SLC9B1: variants seen among roughly 807,000 people sequenced by gnomAD.
The protein encoded by SLC9B1 is sodium/hydrogen exchanger 9B1.
In SLC9B1, 32 loss-of-function variants were observed where a neutral mutation model predicts 51.7. The ratio of observed to expected loss-of-function variants is 0.62; its 90% confidence interval spans 0.47 to 0.83. The LOEUF is 0.83. Among genes scored for constraint, SLC9B1 ranks in the 40% least tolerant of loss-of-function variants. The pLI, the probability that SLC9B1 is intolerant of heterozygous loss-of-function variation, is 0.00. For missense variants in SLC9B1, 406 were observed against 613.2 expected, an observed-to-expected ratio of 0.66 and a Z score of 3.57; for synonymous variants, 145 against 212.7, an observed-to-expected ratio of 0.68 and a Z score of 2.77.
At chr4:102,938,735 A>G (rs937733309) in intron 6 of SLC9B1, among the ~76,000 whole-genome samples, 1 of 152,174 alleles carries the variant, frequency 6.6e-6, no homozygotes, top group Non-Finnish European at 1.5e-5. Flanking sequence ...TCTCAAAACC[A>G]TACAATTACA....
chr4:102,911,458 A>G lies in SLC9B1; in HGVS notation c.909T>C (p.Phe303=). ...SLLAGIVLGF[F]VRYFPSEDQK... ...GGTCTTCACTTGGAAAATATCGAAC[A>G]AAAAATCCCAAAACAATTCCTGCCA... Residue 303 remains phenylalanine, a synonymous_variant, in exon 8 of 12, where the codon TTT becomes TTC. Coordinates refer to ENST00000296422, the MANE Select transcript of SLC9B1 (RefSeq NM_139173.4). 2 of 1,596,658 alleles carry G rather than the reference A, an allele frequency of 1.3e-6. No individual in the cohort carries two copies. The highest frequency in any genetic ancestry group is 1.7e-6 in the Non-Finnish European group (2 of 1,179,162).
At chr4:102,962,777 T>A (rs1738205931) in intron 3 of SLC9B1, 1 of 475,318 alleles carries the variant, frequency 2.1e-6, no homozygotes, top group Admixed American at 2.3e-5. Flanking sequence ...GAAATACTGT[T>A]ACATTTGCCC....
intron 3 of SLC9B1, among the ~76,000 whole-genome samples, chr4:102,967,355 ACT>A (rs1738482592): frequency 6.6e-6 from 1 of 152,114 alleles, no homozygotes; most frequent in African/African-American, 2.4e-5. Context: ...GCAACATCCC[ACT>A]CTCAGTACAA....
chr4:102,935,799 C>G, intron 6 of SLC9B1, among the ~76,000 whole-genome samples: 1 of 152,140 alleles, frequency 6.6e-6, no homozygotes, highest in East Asian at 1.9e-4. Flanking sequence ...ATAAAACTCA[C>G]GAAGATGCTG....
intron 3 of SLC9B1, among the ~76,000 whole-genome samples, chr4:102,955,843 GAGAA>G (rs56088004): frequency 0.092 from 9,842 of 106,658 alleles, 425 homozygotes; most frequent in Middle Eastern, 0.13. Flanking sequence ...GAAAGAGAGA[GAGAA>G]AGAAAGAAAG....
chr4:103,008,910 C>T (rs991634422), intron 1 of SLC9B1, among the ~76,000 whole-genome samples: 1 of 151,446 alleles, frequency 6.6e-6, no homozygotes, highest in African/African-American at 2.4e-5. Flanking sequence ...AGCGATTCTC[C>T]TGCCTCAGTC....
rs148380466 is a variant in SLC9B1, at chr4:102,932,166, T to C, written c.787A>G (p.Ile263Val). The change falls in exon 7 of 12, where the codon ATC becomes GTC. Residue 263 changes from isoleucine (I) to valine (V), a missense_variant. Coordinates refer to ENST00000296422, the MANE Select transcript of SLC9B1 (RefSeq NM_139173.4). Reference protein sequence around the residue: ...AASSMDDILAITGFNTCLSIV... With the variant: ...AASSMDDILAVTGFNTCLSIV... ...CTCAAGCATGTATTGAATCCAGTGA[T>C]AGCCAGAATGTCATCCATACTGCTA... 1.2e-3 allele frequency: 1,933 copies of C among 1,612,000 alleles called. 10 individuals carry two copies. Among genetic ancestry groups the C allele is most frequent in the Non-Finnish European group, 8.0e-4 (940 of 1,179,806 alleles).
intron 5 of SLC9B1, 135 bp from the exon 6 acceptor site, chr4:102,945,455 C>T: frequency 2.3e-6 from 2 of 880,826 alleles, no homozygotes; most frequent in Non-Finnish European, 3.2e-6. Context: ...ACAGATTGTC[C>T]CACTGGACTT....
intron 9 of SLC9B1, among the ~76,000 whole-genome samples, chr4:102,908,683 T>C (rs191656372): frequency 1.6e-3 from 248 of 152,370 alleles, no homozygotes; most frequent in Admixed American, 3.3e-3. Flanking sequence ...AGAAAGTCCT[T>C]CTTAAATGAG....
intron 11 of SLC9B1, among the ~76,000 whole-genome samples, chr4:102,895,842 G>A (rs1448643628): frequency 6.6e-6 from 1 of 152,104 alleles, no homozygotes; most frequent in Non-Finnish European, 1.5e-5. Flanking sequence ...GAGCAAAAAA[G>A]GATAGAGTCA....
intron 11 of SLC9B1, among the ~76,000 whole-genome samples, chr4:102,893,090 C>T (rs1472925230): frequency 1.3e-5 from 2 of 151,900 alleles, no homozygotes; most frequent in Non-Finnish European, 2.9e-5. Flanking sequence ...CAAGACCAGC[C>T]TGGCCAACAT....
chr4:102,977,772 A>G (rs1739149875), intron 3 of SLC9B1, among the ~76,000 whole-genome samples: 1 of 152,178 alleles, frequency 6.6e-6, no homozygotes, highest in Admixed American at 6.5e-5. Context: ...TTAAAAATAT[A>G]TAGTCTATGA....
At chr4:102,978,053 G>C (rs1006926457) in intron 3 of SLC9B1, among the ~76,000 whole-genome samples, 3 of 152,164 alleles carry the variant, frequency 2.0e-5, no homozygotes, top group Non-Finnish European at 4.4e-5. Context: ...GTGAGAATAA[G>C]AGGTGTTTGG....
At position 102,961,941 on chromosome 4, in the gene SLC9B1, C is replaced by T. The variant is rs1243267864; in HGVS notation, c.212-12514G>A. The T allele has an allele frequency of 1.2e-5, 3 of 241,148 alleles. No individual in the cohort carries two copies. The Admixed American group carries it at 1.6e-4, about 13-fold the overall frequency. The allele number at this position is 241,148 out of a possible 1,614,324, so 14.9% of individuals were successfully genotyped here. A position where few individuals can be genotyped will look rare whatever the true frequency, so the allele number is the denominator to read the frequency against. ...CCAGGGTGGCCAGTGGGGCTAAATG[C>T]TGTGTATTCCAAGCATGGCGGGGTT... On this transcript the variant is annotated intron_variant, in intron 3 of 11. Transcript: ENST00000296422.
intron 6 of SLC9B1, among the ~76,000 whole-genome samples, chr4:102,934,646 G>C (rs1736626483): frequency 2.6e-5 from 4 of 151,706 alleles, no homozygotes; most frequent in Admixed American, 2.6e-4. Context: ...CATGCCTGTA[G>C]TCCCAGCTAC....
At chr4:102,915,756 T>A (rs1026740846) in intron 7 of SLC9B1, among the ~76,000 whole-genome samples, 7 of 152,218 alleles carry the variant, frequency 4.6e-5, no homozygotes, top group African/African-American at 1.7e-4. Context: ...ATTATGTGAA[T>A]AAACAATATA....
intron 7 of SLC9B1, among the ~76,000 whole-genome samples, chr4:102,928,439 A>C (rs1179229231): frequency 6.6e-6 from 1 of 152,200 alleles, no homozygotes. Flanking sequence ...CACTATCAGC[A>C]GTTCGGTCAA....
intron 3 of SLC9B1, among the ~76,000 whole-genome samples, chr4:102,958,129 T>A (rs1012197079): frequency 6.6e-6 from 1 of 152,186 alleles, no homozygotes; most frequent in Non-Finnish European, 1.5e-5. Context: ...TGAATTGTAA[T>A]CCCCAATGTT....
Position 102,959,235 on chromosome 4 carries a change from T to C in SLC9B1, c.212-9808A>G, listed in dbSNP as rs544578828. On this transcript the variant is annotated intron_variant, in intron 3 of 11. Coordinates refer to ENST00000296422, the MANE Select transcript of SLC9B1 (RefSeq NM_139173.4). ...AGATTAGGAGACATACATATATATA[T>C]ACACACACACACACACACACACATA... 3.1e-3 allele frequency among the ~76,000 whole-genome samples: 463 copies of C among 149,452 alleles called. 1 individual carries two copies. Among genetic ancestry groups the C allele is most frequent in the African/African-American group, 7.3e-3 (298 of 40,616 alleles).
Sources: gnomAD v4.1 joint callset for allele counts (sites outside exome capture counted in the v4.1 genomes callset) on GRCh38, gnomAD v4.1.1 for gene constraint, MANE v1.5 for transcripts, NCBI Gene and HGNC (gene_info 2026-07-23, HGNC 2026-07-21) for gene names.